The following KDM4C variants were observed in gnomAD, a reference collection of about 807,000 sequenced individuals.
KDM4C encodes lysine-specific demethylase 4C.
KDM4C carries 81 observed loss-of-function variants against 129.3 expected under a neutral mutation model. The ratio of observed to expected loss-of-function variants is 0.63; its 90% CI spans 0.52 to 0.75. KDM4C has a LOEUF of 0.75. KDM4C is among the 30% of genes least tolerant of loss of function. The pLI, the probability that KDM4C is intolerant of heterozygous loss-of-function variation, is 0.00. For missense variants in KDM4C, 1,457 were observed against 1,304.0 expected, an observed-to-expected ratio of 1.12 and a Z score of -1.81; for synonymous variants, 573 against 456.1, an observed-to-expected ratio of 1.26 and a Z score of -3.26.
At chr9:6,868,441 C>T (rs1458968694) in intron 5 of KDM4C, among the ~76,000 whole-genome samples, 3 of 152,158 alleles carry the variant, frequency 2.0e-5, no homozygotes, top group Non-Finnish European at 2.9e-5. Context: ...ATTTGAGCCA[C>T]CCCTCAGTAT....
At chr9:6,765,772 G>A (rs1000274139) in intron 1 of KDM4C, among the ~76,000 whole-genome samples, 3 of 152,144 alleles carry the variant, frequency 2.0e-5, no homozygotes, top group Admixed American at 2.0e-4. Context: ...TATCAACTAT[G>A]CTGTACTCTA....
chr9:7,049,376 AT>A, intron 17 of KDM4C, among the ~76,000 whole-genome samples, 176 bp downstream of exon 17: 1 of 152,078 alleles, frequency 6.6e-6, no homozygotes, highest in Middle Eastern at 3.4e-3. Flanking sequence ...TTCCTGTTAT[AT>A]TGTAAGTTTG....
intron 1 of KDM4C, among the ~76,000 whole-genome samples, chr9:6,762,970 C>G (rs1266841238): frequency 6.6e-6 from 1 of 151,876 alleles, no homozygotes; most frequent in Non-Finnish European, 1.5e-5. Flanking sequence ...AGGTCATTGT[C>G]TTTTTTACTC....
intron 19 of KDM4C, among the ~76,000 whole-genome samples, chr9:7,132,638 G>A (rs943919990): frequency 6.6e-6 from 1 of 152,110 alleles, no homozygotes; most frequent in African/African-American, 2.4e-5. Flanking sequence ...GAATTTTTTT[G>A]CCTTCCACTA....
intron 1 of KDM4C, among the ~76,000 whole-genome samples, chr9:6,769,620 CTT>C (rs60946645): frequency 6.6e-6 from 1 of 151,858 alleles, no homozygotes; most frequent in African/African-American, 2.4e-5. Flanking sequence ...AAATGCAAGA[CTT>C]TTTTTTATAA....
chr9:7,074,246 C>T (rs867713992), intron 17 of KDM4C, among the ~76,000 whole-genome samples: 2 of 152,070 alleles, frequency 1.3e-5, no homozygotes, highest in Admixed American at 6.5e-5. Flanking sequence ...TCACTGCAAC[C>T]GCTGTCTCTT....
At chr9:7,021,660 A>T (rs1381855080) in intron 15 of KDM4C, among the ~76,000 whole-genome samples, 3 of 152,034 alleles carry the variant, frequency 2.0e-5, no homozygotes, top group African/African-American at 7.3e-5. Context: ...TTTAAACTTG[A>T]TGTGATCCCA....
intron 19 of KDM4C, among the ~76,000 whole-genome samples, chr9:7,155,494 C>G (rs1843070350): frequency 6.6e-6 from 1 of 152,112 alleles, no homozygotes; most frequent in Non-Finnish European, 1.5e-5. Flanking sequence ...TCTCCTAAGG[C>G]TATCCCTCCC....
At chr9:6,940,417 T>C (rs1018621156) in intron 8 of KDM4C, among the ~76,000 whole-genome samples, 6 of 152,230 alleles carry the variant, frequency 3.9e-5, no homozygotes, top group Non-Finnish European at 7.3e-5. Context: ...GTCACTACCT[T>C]GGAGAACAAG....
At chr9:6,952,157 C>A (rs966932126) in intron 8 of KDM4C, among the ~76,000 whole-genome samples, 1 of 151,856 alleles carries the variant, frequency 6.6e-6, no homozygotes, top group African/African-American at 2.4e-5. Flanking sequence ...CCCCCTACAA[C>A]CTGACATTTT....
chr9:6,862,982 CATTT>C (rs1215829791), intron 5 of KDM4C, among the ~76,000 whole-genome samples: 2 of 152,036 alleles, frequency 1.3e-5, no homozygotes, highest in Non-Finnish European at 2.9e-5. Context: ...GTGTAATTAT[CATTT>C]ATTTATTTGT....
intron 12 of KDM4C, among the ~76,000 whole-genome samples, chr9:6,994,127 A>G (rs1358223271): frequency 2.0e-5 from 3 of 152,124 alleles, no homozygotes; most frequent in Non-Finnish European, 2.9e-5. Context: ...GATCCCTTAC[A>G]TGCATGGTTC....
At chr9:7,033,416 C>G (rs145520293) in intron 15 of KDM4C, among the ~76,000 whole-genome samples, 2 of 152,326 alleles carry the variant, frequency 1.3e-5, no homozygotes, top group Non-Finnish European at 1.5e-5. Context: ...AAAATCACCT[C>G]TTGCCTCCTG....
intron 18 of KDM4C, among the ~76,000 whole-genome samples, chr9:7,109,615 A>AT (rs1838090839): frequency 6.6e-6 from 1 of 152,206 alleles, no homozygotes; most frequent in Admixed American, 6.5e-5. Flanking sequence ...CAGCTAATTT[A>AT]TATCAGTGGG....
At chr9:6,932,067 T>C (rs1030882396) in intron 8 of KDM4C, among the ~76,000 whole-genome samples, 1 of 152,208 alleles carries the variant, frequency 6.6e-6, no homozygotes, top group African/African-American at 2.4e-5. Context: ...TCACTTGTTA[T>C]CTGCAGAGTA....
At chr9:6,947,535 A>G (rs573521725) in intron 8 of KDM4C, among the ~76,000 whole-genome samples, 1 of 152,104 alleles carries the variant, frequency 6.6e-6, no homozygotes, top group South Asian at 2.1e-4. Flanking sequence ...TTACAATGTT[A>G]TAGTCATGGT....
chr9:6,807,256 C>T (rs1322727312), intron 3 of KDM4C, among the ~76,000 whole-genome samples: 2 of 152,132 alleles, frequency 1.3e-5, no homozygotes, highest in African/African-American at 4.8e-5. Context: ...CAGCCGCCTG[C>T]CTTGGCCTCC....
chr9:6,807,566 C>T (rs571647811), intron 3 of KDM4C, among the ~76,000 whole-genome samples: 29 of 150,098 alleles, frequency 1.9e-4, no homozygotes, highest in Non-Finnish European at 2.5e-4. Context: ...CGCCTCTGCC[C>T]GGCCGAGACC....
At position 7,110,496 on chromosome 9, in the gene KDM4C, G is replaced by C. The variant is rs150495996; in HGVS notation, c.2610+6626G>C. 2.6e-3 allele frequency among the ~76,000 whole-genome samples: 391 copies of C among 152,202 alleles called. 4 individuals carry two copies. The highest frequency in any genetic ancestry group is 7.3e-3 in the Admixed American group (111 of 15,280). ...AAGTGATGCCTAAAGATTTGGACCT[G>C]TTTTTCTAAAATTCTCTTAACTCTT... is the stretch of plus-strand genomic sequence containing the variant. On this transcript the variant is annotated intron_variant, in intron 18 of 21. Transcript: ENST00000381309.
Sources: gnomAD v4.1 joint callset for allele counts (sites outside exome capture counted in the v4.1 genomes callset) on GRCh38, gnomAD v4.1.1 for gene constraint, MANE v1.5 for transcripts, NCBI Gene and HGNC (gene_info 2026-07-23, HGNC 2026-07-21) for gene names.